The following ERO1B variants were observed in gnomAD, a reference collection of about 807,000 sequenced individuals.
ERO1B encodes ERO1-like protein beta.
In ERO1B, 49 loss-of-function variants were observed where a neutral mutation model predicts 75.3. The ratio of observed to expected loss-of-function variants is 0.65; its 90% confidence interval spans 0.52 to 0.83. ERO1B has a LOEUF of 0.83. ERO1B is among the 40% of genes least tolerant of loss of function. The pLI, the probability that ERO1B is intolerant of heterozygous loss-of-function variation, is 0.00. For missense variants in ERO1B, 512 were observed against 560.1 expected, an observed-to-expected ratio of 0.91 and a Z score of 0.87; for synonymous variants, 191 against 192.9, an observed-to-expected ratio of 0.99 and a Z score of 0.08.
At chr1:236,260,185 T>C (rs1454999579) in intron 2 of ERO1B, among the ~76,000 whole-genome samples, 1 of 151,970 alleles carries the variant, frequency 6.6e-6, no homozygotes, top group Non-Finnish European at 1.5e-5. Flanking sequence ...ACATTACAAC[T>C]GACATCGAAG....
At chr1:236,230,136 T>C (rs896397893) in intron 10 of ERO1B, 88 bp downstream of exon 10, 15 of 990,544 alleles carry the variant, frequency 1.5e-5, no homozygotes, top group Admixed American at 2.4e-5. Flanking sequence ...GTTGACTAGG[T>C]AATAAAATCC....
At chr1:236,254,103 T>A (rs972508879) in intron 2 of ERO1B, among the ~76,000 whole-genome samples, 1 of 152,120 alleles carries the variant, frequency 6.6e-6, no homozygotes, top group South Asian at 2.1e-4. Flanking sequence ...TGACGTTTAA[T>A]GTAGAAGGGG....
intron 3 of ERO1B, among the ~76,000 whole-genome samples, chr1:236,252,609 G>C (rs1208087873): frequency 1.3e-5 from 2 of 152,096 alleles, no homozygotes; most frequent in African/African-American, 4.8e-5. Flanking sequence ...CATGTAGCTG[G>C]AACATTCTTT....
chr1:236,243,643 G>A, intron 5 of ERO1B, 148 bp from the exon 6 acceptor site: 1 of 482,326 alleles, frequency 2.1e-6, no homozygotes, highest in East Asian at 3.5e-5. Flanking sequence ...TTACATGAAG[G>A]GATGACAAAA....
At chr1:236,231,005 G>A (rs919889575) in intron 9 of ERO1B, among the ~76,000 whole-genome samples, 4 of 151,880 alleles carry the variant, frequency 2.6e-5, no homozygotes, top group Admixed American at 1.3e-4. Flanking sequence ...ACATTTTAAC[G>A]ATCTCAAATT....
At chr1:236,271,707 G>A (rs116979319) in intron 1 of ERO1B, among the ~76,000 whole-genome samples, 2,244 of 151,784 alleles carry the variant, frequency 0.015, 44 homozygotes, top group African/African-American at 0.047. Flanking sequence ...TACTGCCAGT[G>A]TCCTTTAAGC....
In ERO1B at chr1:236,232,965, C is replaced by T. The variant is rs139323701; in HGVS notation, c.674-126G>A. 82 of 699,032 alleles carry T rather than the reference C, an allele frequency of 1.2e-4. No individual in the cohort carries two copies. In the East Asian group the frequency reaches 1.2e-3, roughly 11 times the overall value. The allele number at this position is 699,032 out of a possible 1,614,324, so 43.3% of individuals were successfully genotyped here. ...TCACAAACCTTGGTCACTGAGTAGA[C>T]GCCCTGCAAATGAGTCCTCTTAATC... On this transcript the variant is annotated intron_variant, in intron 8 of 15. Transcript: ENST00000354619.
intron 13 of ERO1B, 94 bp from the exon 14 acceptor site, chr1:236,222,104 A>G: frequency 1.1e-6 from 1 of 928,702 alleles, no homozygotes; most frequent in South Asian, 1.4e-5. Context: ...TTATTAATAA[A>G]TCAGTTGTGT....
At chr1:236,230,148 A>T in intron 10 of ERO1B, 76 bp downstream of exon 10, 2 of 1,218,856 alleles carry the variant, frequency 1.6e-6, no homozygotes, top group Non-Finnish European at 2.4e-6. Context: ...ATAAAATCCT[A>T]GACCTTACAA....
intron 2 of ERO1B, among the ~76,000 whole-genome samples, chr1:236,254,139 G>A (rs543714549): frequency 6.6e-6 from 1 of 152,230 alleles, no homozygotes; most frequent in Admixed American, 6.5e-5. Flanking sequence ...CGAGGATGGA[G>A]GTAAACAAGG....
chr1:236,220,694 C>G, intron 15 of ERO1B, 138 bp downstream of exon 15: 1 of 805,126 alleles, frequency 1.2e-6, no homozygotes, highest in Non-Finnish European at 1.8e-6. Context: ...ATTAAGGCCT[C>G]TCTAAGTTAG....
At chr1:236,225,234 T>C (rs1254581384) in intron 12 of ERO1B, 95 bp from the exon 13 acceptor site, 1 of 1,130,660 alleles carries the variant, frequency 8.8e-7, no homozygotes, top group Non-Finnish European at 1.3e-6. Context: ...TATGAATATT[T>C]AAAATTCATT....
At chr1:236,265,043 T>C (rs1030708842) in intron 2 of ERO1B, among the ~76,000 whole-genome samples, 3 of 76,904 alleles carry the variant, frequency 3.9e-5, no homozygotes, top group African/African-American at 9.7e-5. Context: ...AGTTATTTTT[T>C]TCTCTTTTTT....
chr1:236,227,404 G>A (rs941960690), intron 10 of ERO1B, among the ~76,000 whole-genome samples: 11 of 152,032 alleles, frequency 7.2e-5, no homozygotes, highest in African/African-American at 2.4e-4. Flanking sequence ...AAGATATCCC[G>A]TCATCCTATC....
chr1:236,257,612 G>T (rs1749575), intron 2 of ERO1B, among the ~76,000 whole-genome samples: 36,506 of 148,534 alleles, frequency 0.25, 4,620 homozygotes, highest in East Asian at 0.39. Context: ...CCTACTGAAA[G>T]GAAGATATGT....
chr1:236,230,776 T>C lies in ERO1B; in HGVS notation c.686-526A>G, dbSNP rs192748404. On this transcript the variant is annotated intron_variant, in intron 9 of 15. Coordinates refer to ENST00000354619, the MANE Select transcript of ERO1B (RefSeq NM_019891.4). ...AGTGTTTTTACAAATATTTTGACTA[T>C]TAAATTTTTTAAGAAAACATTTCAG... is the stretch of plus-strand genomic sequence containing the variant. 3.8e-3 allele frequency among the ~76,000 whole-genome samples: 571 copies of C among 152,188 alleles called. 2 individuals are homozygous for C. The highest frequency in any genetic ancestry group is 0.012 in the African/African-American group (501 of 41,526).
At chr1:236,259,236 T>C (rs1665235209) in intron 2 of ERO1B, among the ~76,000 whole-genome samples, 1 of 152,066 alleles carries the variant, frequency 6.6e-6, no homozygotes, top group South Asian at 2.1e-4. Flanking sequence ...AAACCTTTAG[T>C]AGTTGCAGAA....
At chr1:236,230,337 C>T (rs114781164) in intron 9 of ERO1B, 87 bp from the exon 10 acceptor site, 52,867 of 1,143,452 alleles carry the variant, frequency 0.046, 1,652 homozygotes, top group Non-Finnish European at 0.053. Flanking sequence ...TTCTGCAGGG[C>T]ATGGTGGCTC....
chr1:236,246,598 A>C (rs143705336), intron 5 of ERO1B, among the ~76,000 whole-genome samples: 141 of 152,378 alleles, frequency 9.3e-4, no homozygotes, highest in African/African-American at 3.2e-3. Context: ...TACTATGCCC[A>C]AAAACATGAA....
Sources: gnomAD v4.1 joint callset for allele counts (sites outside exome capture counted in the v4.1 genomes callset) on GRCh38, gnomAD v4.1.1 for gene constraint, MANE v1.5 for transcripts, NCBI Gene and HGNC (gene_info 2026-07-23, HGNC 2026-07-21) for gene names.